The following MYO5B variants were observed in gnomAD, a reference collection of about 807,000 sequenced individuals.
MYO5B encodes the protein unconventional myosin-Vb.
A neutral mutation model predicts 229.3 loss-of-function variants in MYO5B; 143 were observed. That is an observed-to-expected ratio of 0.62 (90% CI 0.54 to 0.72). The LOEUF is 0.72. Among genes scored for constraint, MYO5B ranks in the 30% least tolerant of loss-of-function variants. The pLI is 0.00. For missense variants in MYO5B, 2,321 were observed against 2,331.0 expected (o/e 1.00, Z 0.09); for synonymous variants, 918 against 885.2 (o/e 1.04, Z -0.66).
At chr18:49,924,707 C>G (rs1184398886) in intron 17 of MYO5B, among the ~76,000 whole-genome samples, 2 of 152,226 alleles carry the variant, frequency 1.3e-5, no homozygotes, top group African/African-American at 4.8e-5. Flanking sequence ...GCAGCAGCAA[C>G]AGCATAACTT....
chr18:49,946,774 G>A (rs2025378172), intron 14 of MYO5B, among the ~76,000 whole-genome samples: 1 of 152,136 alleles, frequency 6.6e-6, no homozygotes, highest in Admixed American at 6.5e-5. Context: ...GGCAGTGGCA[G>A]GATCTGGGAT....
chr18:49,876,832 G>A (rs968576418), intron 25 of MYO5B, among the ~76,000 whole-genome samples: 1 of 152,144 alleles, frequency 6.6e-6, no homozygotes, highest in Admixed American at 6.5e-5. Flanking sequence ...TTCAGTTCTG[G>A]GGACCTCCTT....
intron 1 of MYO5B, among the ~76,000 whole-genome samples, chr18:50,123,658 GA>G (rs2032107800): frequency 6.6e-6 from 1 of 152,230 alleles, no homozygotes; most frequent in Non-Finnish European, 1.5e-5. Flanking sequence ...AGTAAGCCAT[GA>G]TCGTACCACT....
chr18:50,114,850 A>G (rs1325525511), intron 1 of MYO5B, among the ~76,000 whole-genome samples: 1 of 152,232 alleles, frequency 6.6e-6, no homozygotes, highest in African/African-American at 2.4e-5. Context: ...AGCCCATGAC[A>G]GGAGGCAGTG....
At chr18:49,961,918 G>A (rs1869951497) in intron 12 of MYO5B, among the ~76,000 whole-genome samples, 1 of 152,142 alleles carries the variant, frequency 6.6e-6, no homozygotes, top group African/African-American at 2.4e-5. Context: ...CCAGACTTTA[G>A]TCTTCACTCT....
intron 1 of MYO5B, among the ~76,000 whole-genome samples, chr18:50,135,910 T>G (rs772287788): frequency 1.3e-5 from 2 of 152,236 alleles, no homozygotes; most frequent in Admixed American, 1.3e-4. Flanking sequence ...CAATTTACAA[T>G]GCGCTTTTCA....
In MYO5B at chr18:49,839,179, A is replaced by T; in HGVS notation, c.4817T>A (p.Ile1606Asn). 1 of 1,614,148 alleles carries T rather than the reference A, an allele frequency of 6.2e-7. No homozygotes were observed. The highest frequency in any genetic ancestry group is 1.1e-5 in the South Asian group (1 of 91,076). ...CTGTAACACGCCCTCGGCAATTTTA[A>T]TGAGCTGCTGGTAGATCTGAATGGA... ...DLSIQIYQQL[I>N]KIAEGVLQPM... is the part of the protein sequence containing the mutation. The change falls in exon 36 of 40, where the codon ATT becomes AAT. Residue 1606 changes from isoleucine (I) to asparagine (N), a missense_variant. Transcript: ENST00000285039.
At chr18:49,880,816 T>C (rs1033592062) in intron 22 of MYO5B, among the ~76,000 whole-genome samples, 2 of 152,186 alleles carry the variant, frequency 1.3e-5, no homozygotes, top group African/African-American at 2.4e-5. Context: ...CATGATCCAA[T>C]AGCAAACTGT....
At chr18:50,179,450 G>T (rs185311311) in intron 1 of MYO5B, among the ~76,000 whole-genome samples, 1 of 152,338 alleles carries the variant, frequency 6.6e-6, no homozygotes, top group Admixed American at 6.5e-5. Context: ...GGTATAGGAA[G>T]CTGCCCAGGA....
intron 1 of MYO5B, among the ~76,000 whole-genome samples, chr18:50,158,449 G>A (rs1479473908): frequency 6.6e-6 from 1 of 152,132 alleles, no homozygotes; most frequent in Non-Finnish European, 1.5e-5. Flanking sequence ...CTTCTTGGAA[G>A]CGCCATTTCT....
At chr18:50,058,310 A>C (rs917711526) in intron 1 of MYO5B, among the ~76,000 whole-genome samples, 5 of 152,102 alleles carry the variant, frequency 3.3e-5, no homozygotes, top group Admixed American at 1.3e-4. Flanking sequence ...TACAAAACTT[A>C]AAAAAGAAAA....
At chr18:49,997,895 G>C (rs1456708693) in intron 5 of MYO5B, among the ~76,000 whole-genome samples, 1 of 152,128 alleles carries the variant, frequency 6.6e-6, no homozygotes, top group Non-Finnish European at 1.5e-5. Context: ...GTTGGGAGGT[G>C]CCATCCTTCC....
At position 49,902,899 on chromosome 18, in the gene MYO5B, C is replaced by T; in HGVS notation, c.2572-66G>A. ...GCAGGACAGGAGTGAAGGAAGCATA[C>T]ATCACTGCCTGTGGAGGGAAGAGGC... On this transcript the variant is annotated intron_variant, in intron 20 of 39. Coordinates refer to ENST00000285039, the MANE Select transcript of MYO5B (RefSeq NM_001080467.3). 1.9e-6 allele frequency: 3 copies of T among 1,577,396 alleles called. No homozygotes were observed. In the South Asian group the frequency reaches 3.4e-5, roughly 18 times the overall value.
chr18:50,091,723 T>C (rs58919717), intron 1 of MYO5B, among the ~76,000 whole-genome samples: 2,096 of 152,304 alleles, frequency 0.014, 47 homozygotes, highest in African/African-American at 0.045. Context: ...CCCTGTTACA[T>C]GTATCTCAGC....
At chr18:50,088,677 A>T (rs559560532) in intron 1 of MYO5B, among the ~76,000 whole-genome samples, 19 of 152,380 alleles carry the variant, frequency 1.2e-4, no homozygotes, top group African/African-American at 4.3e-4. Context: ...ATTATGTATA[A>T]GCACATGGCC....
chr18:49,828,842 T>C (rs1042190326), intron 39 of MYO5B, among the ~76,000 whole-genome samples: 1 of 151,726 alleles, frequency 6.6e-6, no homozygotes, highest in Non-Finnish European at 1.5e-5. Context: ...AATAAAAATA[T>C]AATAAACCAA....
intron 38 of MYO5B, among the ~76,000 whole-genome samples, chr18:49,836,243 A>G (rs1163863826): frequency 2.0e-5 from 3 of 152,226 alleles, no homozygotes; most frequent in African/African-American, 7.2e-5. Flanking sequence ...TAATGACTTC[A>G]TTTAAAACAA....
intron 1 of MYO5B, among the ~76,000 whole-genome samples, chr18:50,060,713 C>T (rs780099663): frequency 6.6e-6 from 1 of 152,156 alleles, no homozygotes; most frequent in Non-Finnish European, 1.5e-5. Flanking sequence ...GGGCCAGCTC[C>T]AGCAGCTGTT....
Position 50,133,182 on chromosome 18 carries a change from A to G in MYO5B, c.27+61585T>C, listed in dbSNP as rs2032280908. ...CCTTATCCATGGCCCCCTTCAAAGT[A>G]CTTCAACACAGACTACATATCCCAG... On this transcript the variant is annotated intron_variant, in intron 1 of 39. Transcript: ENST00000285039. Among the ~76,000 whole-genome samples, 3 of 152,120 alleles carry G rather than the reference A, an allele frequency of 2.0e-5. No homozygotes were observed. The South Asian group carries it at 6.2e-4, about 32-fold the overall frequency.
Sources: allele counts gnomAD v4.1 joint callset (sites outside exome capture counted in the v4.1 genomes callset), GRCh38; gene constraint gnomAD v4.1.1; transcripts MANE v1.5; gene names NCBI Gene and HGNC (gene_info 2026-07-23, HGNC 2026-07-21).